The following PGCKA1 variants were observed in gnomAD, a reference collection of about 807,000 sequenced individuals.
PGCKA1 encodes the protein PDCD10 and GCKIII kinases-associated protein 1.
the PGCKA1 span, among the ~76,000 whole-genome samples, chr4:37,592,041 T>C: frequency 1.3e-5 from 2 of 151,992 alleles, no homozygotes; most frequent in South Asian, 4.2e-4. Context: ...ACCCTGTCTC[T>C]ACTAAAAATA....
the PGCKA1 span, among the ~76,000 whole-genome samples, chr4:37,487,519 A>G: frequency 2.0e-5 from 3 of 152,142 alleles, no homozygotes; most frequent in Non-Finnish European, 4.4e-5. Context: ...TATAATTTAC[A>G]TACAGTGAAA....
the PGCKA1 span, among the ~76,000 whole-genome samples, chr4:37,580,119 GATT>G: frequency 6.6e-6 from 1 of 151,580 alleles, no homozygotes; most frequent in Admixed American, 6.6e-5. Context: ...ATTTCTGCTT[GATT>G]ATTTTGTTTC....
At chr4:37,479,066 G>A in the PGCKA1 span, among the ~76,000 whole-genome samples, 6 of 152,194 alleles carry the variant, frequency 3.9e-5, no homozygotes, top group Non-Finnish European at 8.8e-5. Flanking sequence ...AGCAGAAAAT[G>A]TCATATCTAC....
chr4:37,578,578 C>T, the PGCKA1 span, among the ~76,000 whole-genome samples: 2 of 152,168 alleles, frequency 1.3e-5, no homozygotes, highest in South Asian at 2.1e-4. Context: ...GGACTTACTC[C>T]TGCCATTTTA....
the PGCKA1 span, among the ~76,000 whole-genome samples, chr4:37,575,234 C>T: frequency 6.6e-6 from 1 of 151,940 alleles, no homozygotes; most frequent in Non-Finnish European, 1.5e-5. Context: ...TGAGAGTTCT[C>T]TTCTCCACAT....
At chr4:37,530,489 G>T in the PGCKA1 span, among the ~76,000 whole-genome samples, 2 of 147,330 alleles carry the variant, frequency 1.4e-5, no homozygotes, top group Non-Finnish European at 3.0e-5. Context: ...CACAAGAATC[G>T]CTTGAACCCA....
At chr4:37,515,588 G>A in the PGCKA1 span, among the ~76,000 whole-genome samples, 1 of 152,168 alleles carries the variant, frequency 6.6e-6, no homozygotes, top group Non-Finnish European at 1.5e-5. Flanking sequence ...GGGACAAGCA[G>A]TATATTCTGA....
the PGCKA1 span, among the ~76,000 whole-genome samples, chr4:37,593,207 G>A: frequency 6.6e-6 from 1 of 152,158 alleles, no homozygotes; most frequent in Non-Finnish European, 1.5e-5. Flanking sequence ...AAGTGTATCA[G>A]TTGAGATTAT....
the PGCKA1 span, among the ~76,000 whole-genome samples, chr4:37,507,083 G>T: frequency 6.6e-6 from 1 of 151,918 alleles, no homozygotes; most frequent in African/African-American, 2.4e-5. Context: ...TATTTTGTCT[G>T]CTATGAGTAT....
the PGCKA1 span, among the ~76,000 whole-genome samples, chr4:37,502,371 G>C: frequency 2.6e-5 from 4 of 152,352 alleles, no homozygotes; most frequent in African/African-American, 7.2e-5. Flanking sequence ...TGTGCACACA[G>C]TTGTGCTGGT....
At chr4:37,485,818 T>C in the PGCKA1 span, among the ~76,000 whole-genome samples, 1 of 152,168 alleles carries the variant, frequency 6.6e-6, no homozygotes, top group Non-Finnish European at 1.5e-5. Context: ...GACCTGGCTT[T>C]TCTACAAGCT....
the PGCKA1 span, among the ~76,000 whole-genome samples, chr4:37,497,843 T>G: frequency 6.6e-6 from 1 of 152,212 alleles, no homozygotes; most frequent in South Asian, 2.1e-4. Context: ...CTGTTTACTC[T>G]GCTGACTGTT....
At chr4:37,469,400 T>C in the PGCKA1 span, among the ~76,000 whole-genome samples, 1 of 152,218 alleles carries the variant, frequency 6.6e-6, no homozygotes, top group African/African-American at 2.4e-5. Flanking sequence ...ATAAGCTTCT[T>C]GAATACCAAC....
chr4:37,539,632 C>T, the PGCKA1 span, among the ~76,000 whole-genome samples: 8 of 152,122 alleles, frequency 5.3e-5, no homozygotes, highest in Admixed American at 2.6e-4. Flanking sequence ...CCAGCCTGGG[C>T]GACAGAGCAA....
chr4:37,506,096 A>G, the PGCKA1 span, among the ~76,000 whole-genome samples: 1 of 152,202 alleles, frequency 6.6e-6, no homozygotes, highest in Non-Finnish European at 1.5e-5. Flanking sequence ...GTAGCCACTA[A>G]TAATCCTTTG....
the PGCKA1 span, among the ~76,000 whole-genome samples, chr4:37,482,802 A>T: frequency 6.6e-6 from 1 of 152,176 alleles, no homozygotes; most frequent in East Asian, 1.9e-4. Flanking sequence ...CAGCCTCAGG[A>T]CATGGTGCCC....
At chr4:37,464,076 T>C in the PGCKA1 span, among the ~76,000 whole-genome samples, 2 of 152,188 alleles carry the variant, frequency 1.3e-5, no homozygotes, top group African/African-American at 4.8e-5. Flanking sequence ...TGCACATTTG[T>C]TTGCATTAAA....
chr4:37,522,860 A>C, the PGCKA1 span, among the ~76,000 whole-genome samples: 1 of 151,948 alleles, frequency 6.6e-6, no homozygotes, highest in African/African-American at 2.4e-5. Context: ...CCAAAATCCA[A>C]GACTAAGTCC....
At chr4:37,514,453 C>G in the PGCKA1 span, among the ~76,000 whole-genome samples, 5 of 152,026 alleles carry the variant, frequency 3.3e-5, no homozygotes, top group Non-Finnish European at 7.4e-5. Flanking sequence ...TATCTAGTGG[C>G]AGAGTAGCAT....
Sources: allele counts gnomAD v4.1 joint callset (sites outside exome capture counted in the v4.1 genomes callset), GRCh38; gene constraint gnomAD v4.1.1; transcripts MANE v1.5; gene names NCBI Gene and HGNC (gene_info 2026-07-23, HGNC 2026-07-21).